The following STARD13 variants were observed in gnomAD, a reference collection of about 807,000 sequenced individuals.
The protein encoded by STARD13 is stAR-related lipid transfer protein 13.
In STARD13, 62 loss-of-function variants were observed where a neutral mutation model predicts 106.4. The ratio of observed to expected loss-of-function variants is 0.58; its 90% confidence interval spans 0.48 to 0.72. The LOEUF is 0.72. Ranked by LOEUF, STARD13 falls within the 30% of genes least tolerant of loss-of-function variation. The probability of loss-of-function intolerance (pLI) is 0.00; values close to 1 mark genes in which losing one functional copy is unlikely to be tolerated. For missense variants in STARD13, 1,387 were observed against 1,424.0 expected, an observed-to-expected ratio of 0.97 and a Z score of 0.42; for synonymous variants, 565 against 553.0, an observed-to-expected ratio of 1.02 and a Z score of -0.31.
At chr13:33,131,302 C>G (rs530340324) in intron 4 of STARD13, among the ~76,000 whole-genome samples, 1 of 152,304 alleles carries the variant, frequency 6.6e-6, no homozygotes, top group South Asian at 2.1e-4. Context: ...CGTAATTTCA[C>G]TCTCATTCTC....
chr13:33,405,651 C>A, the STARD13 span, among the ~76,000 whole-genome samples: 1 of 152,226 alleles, frequency 6.6e-6, no homozygotes, highest in Non-Finnish European at 1.5e-5. Flanking sequence ...ATATAGCAGC[C>A]TTCCATTCCA....
chr13:33,397,244 C>T, the STARD13 span, among the ~76,000 whole-genome samples: 12 of 151,866 alleles, frequency 7.9e-5, no homozygotes, highest in African/African-American at 1.7e-4. Flanking sequence ...TTTTTTTTCA[C>T]AGATGTTTGC....
chr13:33,550,163 G>T, the STARD13 span, among the ~76,000 whole-genome samples: 4 of 152,156 alleles, frequency 2.6e-5, no homozygotes, highest in African/African-American at 9.7e-5. Flanking sequence ...AAATCTTGCA[G>T]TCGTTAATCA....
At chr13:33,519,732 A>G in the STARD13 span, among the ~76,000 whole-genome samples, 2 of 152,250 alleles carry the variant, frequency 1.3e-5, no homozygotes, top group South Asian at 2.1e-4. Flanking sequence ...TTCCAACTTC[A>G]TAACACAGAA....
chr13:33,106,703 G>A (rs972910847), intron 13 of STARD13, 55 bp downstream of exon 13: 32 of 1,505,806 alleles, frequency 2.1e-5, no homozygotes, highest in Non-Finnish European at 2.7e-5. Flanking sequence ...TGGATGTGCT[G>A]TACAAGCTGA....
At chr13:33,292,307 G>A (rs1221125786) in intron 1 of STARD13, among the ~76,000 whole-genome samples, 1 of 151,710 alleles carries the variant, frequency 6.6e-6, no homozygotes. Flanking sequence ...TGACCCCAGG[G>A]AAGATTTTCC....
the STARD13 span, among the ~76,000 whole-genome samples, chr13:33,660,793 A>C: frequency 2.0e-5 from 3 of 152,314 alleles, no homozygotes; most frequent in Non-Finnish European, 4.4e-5. Context: ...TATGTTGCAC[A>C]GGCTGGTCTT....
downstream of STARD13, among the ~76,000 whole-genome samples, chr13:33,346,534 C>A (rs1241266651): frequency 1.3e-5 from 2 of 152,176 alleles, no homozygotes; most frequent in Admixed American, 1.3e-4. Flanking sequence ...AAAGGATTTC[C>A]TTCCTTGGGA....
chr13:33,595,931 C>A, the STARD13 span, among the ~76,000 whole-genome samples: 1 of 152,256 alleles, frequency 6.6e-6, no homozygotes, highest in Non-Finnish European at 1.5e-5. Flanking sequence ...AGGAGAAGAG[C>A]CCACTCTTTA....
chr13:33,632,485 T>C, the STARD13 span, among the ~76,000 whole-genome samples: 1 of 152,232 alleles, frequency 6.6e-6, no homozygotes, highest in Non-Finnish European at 1.5e-5. Flanking sequence ...GTCTATATTG[T>C]ACCTACATGT....
chr13:33,458,766 T>C, the STARD13 span, among the ~76,000 whole-genome samples: 1 of 151,926 alleles, frequency 6.6e-6, no homozygotes, highest in Non-Finnish European at 1.5e-5. Context: ...CAGACCCCAT[T>C]CTTCCTCTGG....
At chr13:33,231,091 A>G (rs1392308866) in intron 1 of STARD13, among the ~76,000 whole-genome samples, 1 of 152,250 alleles carries the variant, frequency 6.6e-6, no homozygotes, top group South Asian at 2.1e-4. Context: ...AAAGTCCTGC[A>G]TCTCAGGACA....
At chr13:33,138,515 C>T (rs2764613) in intron 4 of STARD13, 120,354 of 152,670 alleles carry the variant, frequency 0.79, 47,445 homozygotes, top group South Asian at 0.81. Context: ...GGGCTTTTTT[C>T]AAAAGACGGA....
intron 1 of STARD13, among the ~76,000 whole-genome samples, chr13:33,217,761 A>C (rs530252536): frequency 3.3e-5 from 5 of 152,300 alleles, no homozygotes; most frequent in Admixed American, 2.6e-4. Context: ...TTTAAAAGTT[A>C]AGCTCAAAAT....
chr13:33,427,389 T>C, the STARD13 span, among the ~76,000 whole-genome samples: 2 of 152,222 alleles, frequency 1.3e-5, no homozygotes, highest in South Asian at 4.1e-4. Flanking sequence ...AGGAGCACTT[T>C]CAATAAATCC....
chr13:33,214,047 A>G (rs1189339914), intron 1 of STARD13, among the ~76,000 whole-genome samples: 1 of 152,200 alleles, frequency 6.6e-6, no homozygotes, highest in African/African-American at 2.4e-5. Context: ...CCCAAATCAT[A>G]TATACACTAG....
chr13:33,675,494 C>G, the STARD13 span, among the ~76,000 whole-genome samples: 3 of 152,116 alleles, frequency 2.0e-5, no homozygotes, highest in African/African-American at 7.2e-5. Flanking sequence ...AGGAGAGAAC[C>G]TGTGTCATGG....
At chr13:33,112,253 G>C (rs1269313823) in intron 9 of STARD13, among the ~76,000 whole-genome samples, 1 of 152,124 alleles carries the variant, frequency 6.6e-6, no homozygotes, top group Non-Finnish European at 1.5e-5. Context: ...CACTCACACA[G>C]ACAACATAAA....
the STARD13 span, among the ~76,000 whole-genome samples, chr13:33,392,184 C>A: frequency 6.6e-6 from 1 of 152,142 alleles, no homozygotes; most frequent in African/African-American, 2.4e-5. Context: ...TGCTTTGCTT[C>A]TCCACCTTGT....
Sources: allele counts gnomAD v4.1 joint callset (sites outside exome capture counted in the v4.1 genomes callset), GRCh38; gene constraint gnomAD v4.1.1; transcripts MANE v1.5; gene names NCBI Gene and HGNC (gene_info 2026-07-23, HGNC 2026-07-21).